Variants in EPG5 observed in about 807,000 individuals in gnomAD.
The protein encoded by EPG5 is ectopic P granules protein 5 homolog.
A neutral mutation model predicts 302.7 loss-of-function variants in EPG5; 159 were observed. The ratio of observed to expected loss-of-function variants is 0.53; its 90% CI spans 0.46 to 0.60. The LOEUF (loss-of-function observed/expected upper bound fraction) is 0.60. Ranked by LOEUF, EPG5 falls within the 20% of genes least tolerant of loss-of-function variation. The pLI is 0.00. For synonymous variants in EPG5, 1,158 were observed against 1,136.8 expected, an observed-to-expected ratio of 1.02 and a Z score of -0.37; for missense variants, 2,896 against 3,092.4, an observed-to-expected ratio of 0.94 and a Z score of 1.51.
intron 29 of EPG5, among the ~76,000 whole-genome samples, chr18:45,886,949 CACCGG>C (rs1307443267): frequency 2.0e-5 from 3 of 152,132 alleles, no homozygotes; most frequent in Non-Finnish European, 2.9e-5. Context: ...TGAGCCACCC[CACCGG>C]ACCAGCACAC....
At chr18:45,830,929 C>T in the EPG5 span, among the ~76,000 whole-genome samples, 4 of 152,076 alleles carry the variant, frequency 2.6e-5, no homozygotes, top group African/African-American at 9.7e-5. Flanking sequence ...GCTTTATGTG[C>T]TTTCTTGTCA....
At chr18:45,854,953 T>C (rs766782984) in intron 43 of EPG5, among the ~76,000 whole-genome samples, 5 of 152,216 alleles carry the variant, frequency 3.3e-5, no homozygotes, top group African/African-American at 9.7e-5. Flanking sequence ...TTAAAACTTA[T>C]AATAGTACCT....
At chr18:45,888,775 T>C (rs916995437) in intron 28 of EPG5, among the ~76,000 whole-genome samples, 1 of 152,228 alleles carries the variant, frequency 6.6e-6, no homozygotes, top group Admixed American at 6.5e-5. Context: ...CATAGTCTCC[T>C]AGGGGAAAAA....
chr18:45,822,128 C>T, the EPG5 span, among the ~76,000 whole-genome samples: 10 of 152,090 alleles, frequency 6.6e-5, no homozygotes, highest in Non-Finnish European at 1.5e-4. Context: ...TATTCACAGA[C>T]CCAAGATATA....
At chr18:45,837,743 C>T in the EPG5 span, 8 of 1,511,842 alleles carry the variant, frequency 5.3e-6, no homozygotes, top group South Asian at 4.9e-5. Flanking sequence ...CGGCCGCTTC[C>T]GGCTGCTGGG....
At chr18:45,961,710 T>C (rs1451136905) in intron 1 of EPG5, among the ~76,000 whole-genome samples, 1 of 151,968 alleles carries the variant, frequency 6.6e-6, no homozygotes, top group Admixed American at 6.6e-5. Flanking sequence ...AAAAAAACAT[T>C]AGCCAGGTGT....
intron 10 of EPG5, 149 bp from the exon 11 acceptor site, chr18:45,935,115 C>T: frequency 2.5e-6 from 2 of 810,512 alleles, no homozygotes; most frequent in Non-Finnish European, 3.8e-6. Flanking sequence ...TCAAGGATGG[C>T]TAAGAATAAC....
intron 6 of EPG5, among the ~76,000 whole-genome samples, chr18:45,948,111 A>G (rs2050826964): frequency 6.6e-6 from 1 of 152,082 alleles, no homozygotes; most frequent in Non-Finnish European, 1.5e-5. Context: ...TTACCATGAA[A>G]CACTCTGACT....
chr18:45,844,033 C>T (rs912554123), downstream of EPG5: 1 of 151,888 alleles, frequency 6.6e-6, no homozygotes, highest in African/African-American at 2.4e-5. Context: ...CCTAAGTGTC[C>T]ATCCACGAAT....
chr18:45,865,780 A>AC (rs1568101979), intron 38 of EPG5, 21 bp from the exon 39 acceptor site: 3 of 1,596,236 alleles, frequency 1.9e-6, no homozygotes, highest in South Asian at 2.3e-5. Flanking sequence ...AAAAAAAAAA[A>AC]AATCATTCAA....
At chr18:45,954,307 T>C in intron 2 of EPG5, 87 bp downstream of exon 2, 1 of 1,214,524 alleles carries the variant, frequency 8.2e-7, no homozygotes, top group South Asian at 1.5e-5. Flanking sequence ...AGGGTCAGAG[T>C]GGGTGTAAGG....
chr18:45,939,664 T>C lies in EPG5; in HGVS notation c.2035A>G (p.Lys679Glu). ...AGTTCATCAAATTCAACCTGTAGTT[T>C]CTCCATAGAGTAGGGCTGTTGGGCC... is the stretch of plus-strand genomic sequence containing the variant. Reference protein sequence around the residue: ...GLAQQPYSMEKLQVEFDELFL... With the variant: ...GLAQQPYSMEELQVEFDELFL... Residue 679 changes from lysine (K) to glutamate (E), a missense_variant, in exon 10 of 44, where the codon AAA becomes GAA. By Grantham distance (56) the Lys-to-Glu change is moderately conservative (BLOSUM62 1). This residue lies in a region of EPG5 where 1,390 missense variants were observed against 1,430.0 expected (regional missense o/e 0.97). Transcript: ENST00000282041. The C allele has an allele frequency of 6.2e-7, 1 of 1,614,122 alleles. No individual in the cohort carries two copies. Among genetic ancestry groups the C allele is most frequent in the Non-Finnish European group, 8.5e-7 (1 of 1,180,004 alleles).
rs992800635 is a variant in EPG5 at position 45,947,210 on chromosome 18, C to T, written c.1572-442G>A. Among the ~76,000 whole-genome samples the T allele has an allele frequency of 1.1e-4, 17 of 152,050 alleles. 1 individual carries two copies. Among genetic ancestry groups the T allele is most frequent in the African/African-American group, 3.6e-4 (15 of 41,398 alleles). On this transcript the variant is annotated intron_variant, in intron 6 of 43. Coordinates refer to ENST00000282041, the MANE Select transcript of EPG5 (RefSeq NM_020964.3). Reference sequence around the variant, plus strand: ...GGGGTGGATCATGAGGTCAAGAGATCGAGACCATCCTGGCCGACATGGTGA... The same window carrying T: ...GGGGTGGATCATGAGGTCAAGAGATTGAGACCATCCTGGCCGACATGGTGA...
intron 27 of EPG5, among the ~76,000 whole-genome samples, chr18:45,892,499 A>C (rs1304806441): frequency 6.6e-6 from 1 of 152,224 alleles, no homozygotes; most frequent in Non-Finnish European, 1.5e-5. Context: ...TGAGGCCCTC[A>C]GTGGGTCTTT....
At chr18:45,922,734 T>C (rs1704021521) in intron 15 of EPG5, 134 bp from the exon 16 acceptor site, 2 of 1,097,902 alleles carry the variant, frequency 1.8e-6, no homozygotes, top group Non-Finnish European at 1.3e-6. Flanking sequence ...CTCCAATTAA[T>C]GTTCACTGCA....
rs2048606315 is a variant in EPG5 at position 45,860,260 on chromosome 18, C to A, written c.6853G>T (p.Ala2285Ser). 6.2e-7 allele frequency: 1 copy of A among 1,614,212 alleles called. No individual in the cohort carries two copies. Among genetic ancestry groups the A allele is most frequent in the East Asian group, 2.2e-5 (1 of 44,876 alleles). ...CGGATACTGCCCCGAAGGAACTCTG[C>A]TGTTGGAATAGTCGCGTTGTTCATC... is the stretch of plus-strand genomic sequence containing the variant. ...MMMNNATIPT[A>S]EFLRGSIRTW... The change falls in exon 40 of 44, where the codon GCA (alanine) becomes TCA (serine). Residue 2285 changes from alanine to serine, a missense_variant. Physicochemically the swap from Ala to Ser is moderately conservative, Grantham distance 99. Transcript: ENST00000282041.
At chr18:45,879,390 T>A (rs2049042636) in intron 32 of EPG5, among the ~76,000 whole-genome samples, 176 bp from the exon 33 acceptor site, 2 of 152,216 alleles carry the variant, frequency 1.3e-5, no homozygotes. Flanking sequence ...TGTTTTGAGG[T>A]AGAGTCTTGC....
intron 8 of EPG5, among the ~76,000 whole-genome samples, chr18:45,943,635 A>T (rs2050719971): frequency 6.6e-6 from 1 of 152,022 alleles, no homozygotes; most frequent in Admixed American, 6.6e-5. Flanking sequence ...AAGAAGTAAG[A>T]CTCGGGCCAG....
At position 45,939,944 on chromosome 18, in the gene EPG5, T is replaced by C. The variant is rs540490692; in HGVS notation, c.1944-189A>G. Among the ~76,000 whole-genome samples the C allele has an allele frequency of 3.9e-5, 6 of 152,186 alleles. No homozygotes were observed. In the East Asian group the frequency reaches 1.2e-3, roughly 29 times the overall value. Reference sequence around the variant, plus strand: ...CTACCTTCATGGAGCTTACATTTAGTGAAGGGCAAAGAGACAACAAATAAA... The same window carrying C: ...CTACCTTCATGGAGCTTACATTTAGCGAAGGGCAAAGAGACAACAAATAAA... On this transcript the variant is annotated intron_variant, in intron 9 of 43. Transcript: ENST00000282041.
Sources: allele counts gnomAD v4.1 joint callset (sites outside exome capture counted in the v4.1 genomes callset), GRCh38; gene constraint gnomAD v4.1.1; regional missense constraint gnomAD v4.1.1; transcripts MANE v1.5; gene names NCBI Gene and HGNC (gene_info 2026-07-23, HGNC 2026-07-21).